The following COG6 variants were observed in gnomAD, a reference collection of about 807,000 sequenced individuals.
COG6 encodes conserved oligomeric Golgi complex subunit 6.
A neutral mutation model predicts 88.8 loss-of-function variants in COG6; 74 were observed. The observed-to-expected ratio is 0.83, with a 90% confidence interval of 0.69 to 1.01. The LOEUF is 1.01. Ranked by LOEUF, COG6 falls within the 50% of genes least tolerant of loss-of-function variation. COG6 has a pLI of 0.00. For missense variants in COG6, 800 were observed against 797.9 expected (o/e 1.00, Z -0.03); for synonymous variants, 286 against 278.7 (o/e 1.03, Z -0.26).
intron 8 of COG6, 43 bp from the exon 9 acceptor site, chr13:39,687,460 A>G (rs749079648): frequency 1.9e-6 from 3 of 1,589,494 alleles, no homozygotes; most frequent in South Asian, 1.1e-5. Flanking sequence ...TATAGCCACT[A>G]GAAACAACCC....
At chr13:39,715,208 A>T (rs188342740) in intron 13 of COG6, among the ~76,000 whole-genome samples, 15 of 151,950 alleles carry the variant, frequency 9.9e-5, no homozygotes, top group East Asian at 9.6e-4. Context: ...GTTAAAATTT[A>T]AAAAAAAATT....
At chr13:39,712,476 A>C (rs182323309) in intron 13 of COG6, among the ~76,000 whole-genome samples, 5 of 152,168 alleles carry the variant, frequency 3.3e-5, no homozygotes, top group African/African-American at 1.2e-4. Flanking sequence ...TGTTGTAACT[A>C]TGCTGCAGGA....
intron 18 of COG6, among the ~76,000 whole-genome samples, chr13:39,768,120 ATGTC>A (rs1199942657): frequency 3.8e-5 from 2 of 52,198 alleles, no homozygotes; most frequent in East Asian, 7.3e-4. Flanking sequence ...TTTAACACAC[ATGTC>A]TGTCTATCTC....
chr13:39,688,157 C>G (rs1234690951), intron 10 of COG6, among the ~76,000 whole-genome samples: 1 of 152,196 alleles, frequency 6.6e-6, no homozygotes, highest in East Asian at 1.9e-4. Context: ...TTAATTTTAT[C>G]TGTGTGTAAA....
Position 39,687,539 on chromosome 13 carries a change from T to A in COG6, c.825T>A (p.Ser275Arg). 1 of 1,613,236 alleles carries A rather than the reference T, an allele frequency of 6.2e-7. No homozygotes were observed. Among genetic ancestry groups the A allele is most frequent in the East Asian group, 2.2e-5 (1 of 44,848 alleles). Residue 275 changes from serine (S) to arginine (R), a missense_variant, in exon 9 of 19, where the codon AGT becomes AGA. By Grantham distance (110) the Ser-to-Arg change is moderately radical. Coordinates refer to ENST00000455146, the MANE Select transcript of COG6 (RefSeq NM_020751.3). ...ATGAATTTGGAACAGCCAGAAGAAG[T>A]ACAGTTGTTCGTGGATTTATTGATG... is the stretch of plus-strand genomic sequence containing the variant. ...TLDEFGTARRSTVVRGFIDAL... is the reference protein window; with the variant it reads ...TLDEFGTARRRTVVRGFIDAL...
At chr13:39,788,290 G>A in intron 18 of COG6, 1 of 1,549,038 alleles carries the variant, frequency 6.5e-7, no homozygotes, top group Non-Finnish European at 8.7e-7. Context: ...GCAGGAAACT[G>A]CACCATCAGC....
chr13:39,659,432 T>C lies in COG6; in HGVS notation c.222T>C (p.Asn74=). 1.2e-6 allele frequency: 2 copies of C among 1,613,640 alleles called. No homozygotes were observed. Among genetic ancestry groups the C allele is most frequent in the Non-Finnish European group, 1.7e-6 (2 of 1,179,740 alleles). Residue 74 remains asparagine (N), a synonymous_variant, in exon 2 of 19, where the codon AAT becomes AAC. Transcript: ENST00000455146. ...FVENSLRTRR[N]LRGDIERKSL... ...AAAATAGTCTGCGGACTCGAAGAAA[T>C]TTACGTGGAGATATTGAACGTAAAA...
At position 39,743,212 on chromosome 13, in the gene COG6, A is replaced by G. The variant is rs1880145106; in HGVS notation, c.1827-7734A>G. 2.0e-5 allele frequency among the ~76,000 whole-genome samples: 3 copies of G among 152,326 alleles called. No homozygotes were observed. In the South Asian group the frequency reaches 6.2e-4, roughly 32 times the overall value. On this transcript the variant is annotated intron_variant, in intron 18 of 18. Coordinates refer to ENST00000455146, the MANE Select transcript of COG6 (RefSeq NM_020751.3). The stretch of plus-strand genomic sequence containing the variant: ...AAAAGAACTAGAGAAGCAAGAGCAA[A>G]CAAATTGAAAAGCTAGCAGAAGGCA...
Position 39,724,599 on chromosome 13 carries a change from T to C in COG6, c.1746+38T>C, listed in dbSNP as rs369461796. On this transcript the variant is annotated intron_variant, in intron 17 of 18. Coordinates refer to ENST00000455146, the MANE Select transcript of COG6 (RefSeq NM_020751.3). ...TAAAACATTTTAATTTAGATTTCCT[T>C]ATGGATCGATAGTCTTCATTTTTTG... 6.4e-4 allele frequency: 912 copies of C among 1,424,790 alleles called. 6 individuals carry two copies. Among genetic ancestry groups the C allele is most frequent in the South Asian group, 5.8e-3 (501 of 85,810 alleles). The allele number at this position is 1,424,790 out of a possible 1,614,324, so 88.3% of individuals were successfully genotyped here.
chr13:39,712,515 C>G (rs986565904), intron 13 of COG6, among the ~76,000 whole-genome samples: 2 of 152,126 alleles, frequency 1.3e-5, no homozygotes, highest in Non-Finnish European at 2.9e-5. Context: ...TGACCATAGT[C>G]AACAGTTTTT....
At chr13:39,729,404 T>A (rs1420983873) in intron 18 of COG6, among the ~76,000 whole-genome samples, 4 of 152,256 alleles carry the variant, frequency 2.6e-5, no homozygotes, top group Non-Finnish European at 5.9e-5. Context: ...CAGATTTGGC[T>A]CTGTAACATT....
rs796282257 is a variant in COG6 at position 39,724,885 on chromosome 13, C to T, written c.1746+324C>T. 1.1e-4 allele frequency among the ~76,000 whole-genome samples: 17 copies of T among 152,006 alleles called. 1 individual carries two copies. The highest frequency in any genetic ancestry group is 3.6e-4 in the African/African-American group (15 of 41,528). On this transcript the variant is annotated intron_variant, in intron 17 of 18. Coordinates refer to ENST00000455146, the MANE Select transcript of COG6 (RefSeq NM_020751.3). ...GATATGAAGAAATTAGGCTGTATATCATTATAAACTTATTACTACCTTGAT... is the reference window on the plus strand; with the variant it reads ...GATATGAAGAAATTAGGCTGTATATTATTATAAACTTATTACTACCTTGAT...
intron 4 of COG6, among the ~76,000 whole-genome samples, chr13:39,675,307 T>A (rs986243144): frequency 6.6e-6 from 1 of 152,156 alleles, no homozygotes; most frequent in African/African-American, 2.4e-5. Flanking sequence ...CCTTATACAT[T>A]GTGAGTCTCC....
chr13:39,725,300 C>G (rs1453134153), intron 17 of COG6, among the ~76,000 whole-genome samples: 1 of 151,812 alleles, frequency 6.6e-6, no homozygotes, highest in Non-Finnish European at 1.5e-5. Context: ...CTCTTTAATC[C>G]TCATGACAAC....
chr13:39,772,366 CG>C (rs2138178302), intron 18 of COG6, among the ~76,000 whole-genome samples: 1 of 152,318 alleles, frequency 6.6e-6, no homozygotes, highest in African/African-American at 2.4e-5. Flanking sequence ...TGAGTCCTAT[CG>C]TGTGTCAGGC....
intron 18 of COG6, among the ~76,000 whole-genome samples, chr13:39,786,828 T>C (rs1881787403): frequency 6.6e-6 from 1 of 152,132 alleles, no homozygotes; most frequent in South Asian, 2.1e-4. Flanking sequence ...TTGATTCGTG[T>C]AAGCCCCCTC....
chr13:39,719,022 G>A (rs1169886422), intron 13 of COG6, among the ~76,000 whole-genome samples: 6 of 152,010 alleles, frequency 3.9e-5, no homozygotes, highest in African/African-American at 9.7e-5. Flanking sequence ...TAGAGTACAA[G>A]GTGACATATT....
chr13:39,775,510 C>G (rs1258322383), intron 18 of COG6, among the ~76,000 whole-genome samples: 3 of 152,144 alleles, frequency 2.0e-5, no homozygotes, highest in Non-Finnish European at 2.9e-5. Context: ...CTTTCACTAG[C>G]CTTTGACCTT....
intron 18 of COG6, among the ~76,000 whole-genome samples, chr13:39,730,787 AAAAAAAAAAAAAG>A (rs1879399475): frequency 6.7e-6 from 1 of 149,442 alleles, no homozygotes; most frequent in East Asian, 2.0e-4. Context: ...AAAAAAAAAA[AAAAAAAAAAAAAG>A]ATTTAACATT....
Sources: gnomAD v4.1 joint callset for allele counts (sites outside exome capture counted in the v4.1 genomes callset) on GRCh38, gnomAD v4.1.1 for gene constraint, MANE v1.5 for transcripts, NCBI Gene and HGNC (gene_info 2026-07-23, HGNC 2026-07-21) for gene names.